The following FHIT variants were observed in gnomAD, a reference collection of about 807,000 sequenced individuals.
The protein encoded by FHIT is bis(5'-adenosyl)-triphosphatase.
In FHIT, 19 loss-of-function variants were observed where a neutral mutation model predicts 17.9. That is an observed-to-expected ratio of 1.06 (90% CI 0.74 to 1.56). The LOEUF (loss-of-function observed/expected upper bound fraction) is 1.56. Ranked by LOEUF, FHIT falls within the 40% of genes most tolerant of loss-of-function variation. The probability of loss-of-function intolerance (pLI) is 0.00; values close to 1 mark genes in which losing one functional copy is unlikely to be tolerated. For missense variants in FHIT, 248 were observed against 189.2 expected (o/e 1.31, Z -1.82); for synonymous variants, 81 against 69.7 (o/e 1.16, Z -0.81).
chr3:61,233,093 A>C (rs1429885736), intron 1 of FHIT, among the ~76,000 whole-genome samples: 2 of 152,212 alleles, frequency 1.3e-5, no homozygotes, highest in Non-Finnish European at 2.9e-5. Context: ...TAAAGAGCTA[A>C]AAGATTATAA....
Position 60,700,855 on chromosome 3 carries a change from A to T in FHIT, c.-18+121064T>A, listed in dbSNP as rs537306537. On this transcript the variant is annotated intron_variant, in intron 4 of 9. Transcript: ENST00000492590. ...AGAGTTGCATGTCTCTTGGTCACTTAAATTTTCCCTCTGTGAATTGCCAAT... is the reference window on the plus strand; with the variant it reads ...AGAGTTGCATGTCTCTTGGTCACTTTAATTTTCCCTCTGTGAATTGCCAAT... Among the ~76,000 whole-genome samples the T allele has an allele frequency of 2.0e-5, 3 of 152,292 alleles. No individual in the cohort carries two copies. In the East Asian group the frequency reaches 5.8e-4, roughly 29 times the overall value.
intron 5 of FHIT, among the ~76,000 whole-genome samples, chr3:60,386,876 G>C (rs996429966): frequency 6.6e-5 from 10 of 152,096 alleles, no homozygotes; most frequent in African/African-American, 2.4e-4. Flanking sequence ...AACACAATGA[G>C]GGCTCAGAGT....
At chr3:60,404,734 TG>T (rs1701789060) in intron 5 of FHIT, among the ~76,000 whole-genome samples, 1 of 152,132 alleles carries the variant, frequency 6.6e-6, no homozygotes, top group Non-Finnish European at 1.5e-5. Context: ...ATTTGTTGAA[TG>T]TAAGTTTTTA....
chr3:60,330,223 G>T (rs1709897943), intron 5 of FHIT, among the ~76,000 whole-genome samples: 1 of 152,152 alleles, frequency 6.6e-6, no homozygotes, highest in Non-Finnish European at 1.5e-5. Context: ...CCAGACAATT[G>T]GTTCCTGGAG....
At chr3:60,501,429 A>G (rs1379313141) in intron 5 of FHIT, among the ~76,000 whole-genome samples, 1 of 152,188 alleles carries the variant, frequency 6.6e-6, no homozygotes, top group Non-Finnish European at 1.5e-5. Flanking sequence ...ATCCAAACTA[A>G]CCCACATTTA....
intron 5 of FHIT, among the ~76,000 whole-genome samples, chr3:60,245,316 T>C (rs1333961232): frequency 6.6e-6 from 1 of 152,074 alleles, no homozygotes; most frequent in Non-Finnish European, 1.5e-5. Context: ...CAACCATCAA[T>C]GCACACAGCT....
rs527747335 is a variant in FHIT at position 60,472,979 on chromosome 3, T to G, written c.103+63881A>C. On this transcript the variant is annotated intron_variant, in intron 5 of 9. Transcript: ENST00000492590. Reference sequence around the variant, plus strand: ...CTTTAGTGCTATATTATAGAAATGTTTCTTATTATATTCATTTTCCAGAGA... The same window carrying G: ...CTTTAGTGCTATATTATAGAAATGTGTCTTATTATATTCATTTTCCAGAGA... Among the ~76,000 whole-genome samples the G allele has an allele frequency of 2.8e-4, 42 of 152,310 alleles. No individual in the cohort carries two copies. The South Asian group carries it at 3.3e-3, about 12-fold the overall frequency.
At chr3:61,000,260 G>A (rs1030143135) in intron 3 of FHIT, among the ~76,000 whole-genome samples, 1 of 152,172 alleles carries the variant, frequency 6.6e-6, no homozygotes, top group Non-Finnish European at 1.5e-5. Flanking sequence ...GCTCCTAAAG[G>A]AGGACCTGAG....
intron 1 of FHIT, among the ~76,000 whole-genome samples, chr3:61,215,223 C>G (rs1438078542): frequency 2.6e-5 from 4 of 151,974 alleles, no homozygotes; most frequent in Non-Finnish European, 4.4e-5. Context: ...GACAAATTGT[C>G]CCTGTTTGCA....
intron 8 of FHIT, among the ~76,000 whole-genome samples, chr3:59,780,040 TTTTACCC>T (rs1236639975): frequency 6.6e-6 from 1 of 152,184 alleles, no homozygotes; most frequent in Non-Finnish European, 1.5e-5. Flanking sequence ...CGAAAGTCCA[TTTTACCC>T]CTCTTCCCAT....
intron 4 of FHIT, among the ~76,000 whole-genome samples, chr3:60,791,310 G>T (rs1700769499): frequency 6.6e-6 from 1 of 151,796 alleles, no homozygotes; most frequent in Non-Finnish European, 1.5e-5. Context: ...GCTCAATAAA[G>T]TATCTTGCTA....
At chr3:60,803,303 G>A (rs529123276) in intron 4 of FHIT, among the ~76,000 whole-genome samples, 4 of 152,294 alleles carry the variant, frequency 2.6e-5, no homozygotes, top group South Asian at 4.1e-4. Context: ...CGTGATTACC[G>A]CCTATACGGA....
rs71092647 is a variant in FHIT at position 60,859,723 on chromosome 3, A to ATTTTTTTTT, written c.-110-37721_-110-37713dup. Among the ~76,000 whole-genome samples the ATTTTTTTTT allele has an allele frequency of 1.3e-3, 67 of 51,926 alleles. 9 individuals carry two copies. Among genetic ancestry groups the ATTTTTTTTT allele is most frequent in the Non-Finnish European group, 1.7e-3 (49 of 29,368 alleles). 34.1% of individuals were successfully genotyped at this position (51,926 alleles called of 152,430 possible). Reference sequence around the variant, plus strand: ...ACATTTGCAGTGGATTCTGAATACGATTTTTTTTTTTTTTTTTTTTTTTTT... The same window carrying ATTTTTTTTT: ...ACATTTGCAGTGGATTCTGAATACGATTTTTTTTTTTTTTTTTTTTTTTTTTTTTTTTTT... On this transcript the variant is annotated intron_variant, in intron 3 of 9. Transcript: ENST00000492590.
chr3:60,594,393 C>T lies in FHIT; in HGVS notation c.-17-57414G>A, dbSNP rs73093579. Among the ~76,000 whole-genome samples the T allele has an allele frequency of 9.3e-3, 1,418 of 152,272 alleles. 8 individuals carry two copies. The highest frequency in any genetic ancestry group is 0.014 in the Non-Finnish European group (978 of 68,000). Reference sequence around the variant, plus strand: ...ACACTGACCCACCACCTGCAGAAACCAGTCGAGGAAACCACAACTTTTGCA... The same window carrying T: ...ACACTGACCCACCACCTGCAGAAACTAGTCGAGGAAACCACAACTTTTGCA... On this transcript the variant is annotated intron_variant, in intron 4 of 9. Coordinates refer to ENST00000492590, the MANE Select transcript of FHIT (RefSeq NM_002012.4).
chr3:61,214,284 A>G (rs1183361577), intron 1 of FHIT, among the ~76,000 whole-genome samples: 1 of 152,238 alleles, frequency 6.6e-6, no homozygotes, highest in Non-Finnish European at 1.5e-5. Flanking sequence ...AAGAAAAGAG[A>G]GAAGAATCAA....
At chr3:60,212,659 T>C (rs1703509305) in intron 5 of FHIT, among the ~76,000 whole-genome samples, 1 of 152,058 alleles carries the variant, frequency 6.6e-6, no homozygotes, top group Non-Finnish European at 1.5e-5. Context: ...AAAAAATCTA[T>C]GGGGAGAGGA....
intron 5 of FHIT, among the ~76,000 whole-genome samples, chr3:60,260,624 G>C (rs1706243865): frequency 6.6e-6 from 1 of 151,942 alleles, no homozygotes; most frequent in African/African-American, 2.4e-5. Flanking sequence ...GTATCTGTCA[G>C]AGGTGTTTGA....
chr3:61,198,126 A>G (rs569440384), intron 2 of FHIT, among the ~76,000 whole-genome samples: 21 of 152,202 alleles, frequency 1.4e-4, no homozygotes, highest in African/African-American at 3.9e-4. Context: ...TGAATAGACT[A>G]TACTATCAAT....
Position 60,193,557 on chromosome 3 carries a change from G to A in FHIT, c.104-179405C>T, listed in dbSNP as rs187897880. ...GACAACTCTCAAACACAGGGACATA[G>A]ATGAGGCAGAAAAGAAGAAATATGC... On this transcript the variant is annotated intron_variant, in intron 5 of 9. Coordinates refer to ENST00000492590, the MANE Select transcript of FHIT (RefSeq NM_002012.4). Among the ~76,000 whole-genome samples the A allele has an allele frequency of 8.5e-5, 13 of 152,330 alleles. No homozygotes were observed. In the East Asian group the frequency reaches 2.3e-3, roughly 27 times the overall value.
Sources: allele counts gnomAD v4.1 joint callset (sites outside exome capture counted in the v4.1 genomes callset), GRCh38; gene constraint gnomAD v4.1.1; transcripts MANE v1.5; gene names NCBI Gene and HGNC (gene_info 2026-07-23, HGNC 2026-07-21).